Variants in SMG7 observed in about 807,000 individuals in gnomAD.
The protein encoded by SMG7 is nonsense-mediated mRNA decay factor SMG7.
A neutral mutation model predicts 148.2 loss-of-function variants in SMG7; 34 were observed. The ratio of observed to expected loss-of-function variants is 0.23; its 90% CI spans 0.17 to 0.31. SMG7 has a LOEUF of 0.31. Among genes scored for constraint, SMG7 ranks in the 10% least tolerant of loss-of-function variants. The probability of loss-of-function intolerance (pLI) is 1.00; values close to 1 mark genes in which losing one functional copy is unlikely to be tolerated. For missense variants in SMG7, 1,114 were observed against 1,408.4 expected, an observed-to-expected ratio of 0.79 and a Z score of 3.35; for synonymous variants, 492 against 515.1, an observed-to-expected ratio of 0.96 and a Z score of 0.61.
intron 1 of SMG7, among the ~76,000 whole-genome samples, chr1:183,479,713 A>G (rs1216964076): frequency 3.3e-5 from 5 of 152,208 alleles, no homozygotes; most frequent in Admixed American, 3.3e-4. Flanking sequence ...TTGGCAAATT[A>G]AAAGAAAGAC....
chr1:183,506,964 C>T (rs776220882), intron 1 of SMG7, among the ~76,000 whole-genome samples: 10 of 147,540 alleles, frequency 6.8e-5, no homozygotes, highest in South Asian at 2.2e-4. Context: ...CTGCAACCTA[C>T]GCCCCCCAGG....
intron 1 of SMG7, among the ~76,000 whole-genome samples, chr1:183,493,844 T>A (rs186028861): frequency 6.6e-6 from 1 of 152,280 alleles, no homozygotes; most frequent in East Asian, 1.9e-4. Flanking sequence ...CCTCCCAGAG[T>A]GCTAGGATTA....
In SMG7 at chr1:183,551,139, C is replaced by T; in HGVS notation, c.3399C>T (p.Gly1133=). The stretch of plus-strand genomic sequence containing the variant: ...GCACTCCGAGTGGCACCTGGACAGG[C>T]CATGGCCCTTCCATGGAGGATTCCT... The part of the protein sequence containing the change: ...QASTPSGTWT[G]HGPSMEDSSA... Residue 1133 remains glycine (G), a synonymous_variant, in exon 22 of 23, where the codon GGC becomes GGT. Transcript: ENST00000688051. 6.3e-7 allele frequency: 1 copy of T among 1,591,510 alleles called. No homozygotes were observed. The highest frequency in any genetic ancestry group is 1.7e-4 in the Middle Eastern group (1 of 5,968).
At position 183,533,253 on chromosome 1, in the gene SMG7, T is replaced by C. The variant is rs1013618114; in HGVS notation, c.933T>C (p.Phe311=). The part of the protein sequence containing the change: ...NLFQLHHLRD[F]SNETEQHTYS... ...TTCAACTTCATCACCTTCGTGACTT[T>C]AGCAATGAAACCGAGCAGCACACTT... The change falls in exon 9 of 23, where the codon TTT becomes TTC. Residue 311 remains phenylalanine, a synonymous_variant. Transcript: ENST00000688051. 41 of 1,613,910 alleles carry C rather than the reference T, an allele frequency of 2.5e-5. No individual in the cohort carries two copies. Among genetic ancestry groups the C allele is most frequent in the Non-Finnish European group, 3.3e-5 (39 of 1,179,896 alleles).
intron 4 of SMG7, among the ~76,000 whole-genome samples, chr1:183,518,989 G>C (rs1333745030): frequency 6.6e-6 from 1 of 152,146 alleles, no homozygotes; most frequent in Non-Finnish European, 1.5e-5. Flanking sequence ...GCTCAGGCCT[G>C]TAATCACAAC....
chr1:183,506,564 A>G (rs953435816), intron 1 of SMG7, among the ~76,000 whole-genome samples: 1 of 151,936 alleles, frequency 6.6e-6, no homozygotes, highest in African/African-American at 2.4e-5. Flanking sequence ...TATGGTTATG[A>G]TTGAGAAATG....
At chr1:183,510,184 G>A (rs143994005) in intron 1 of SMG7, among the ~76,000 whole-genome samples, 68 of 151,984 alleles carry the variant, frequency 4.5e-4, no homozygotes, top group African/African-American at 1.6e-3. Context: ...TTGTAACTTC[G>A]CAACTCAAGG....
intron 1 of SMG7, among the ~76,000 whole-genome samples, chr1:183,476,048 G>A (rs978411547): frequency 6.6e-6 from 1 of 152,152 alleles, no homozygotes; most frequent in Non-Finnish European, 1.5e-5. Flanking sequence ...CCTAGGTGGT[G>A]GTTGTGGGAA....
At position 183,550,821 on chromosome 1, in the gene SMG7, A is replaced by G; in HGVS notation, c.3204A>G (p.Thr1068=). Residue 1068 remains threonine, a synonymous_variant, in exon 21 of 23, where the codon ACA becomes ACG. Transcript: ENST00000688051. ...NPSSLPSSPP[T]HNHNSVPFSN... ...GCAGCCTACCCAGCTCTCCTCCAAC[A>G]CACAACCATAATTCTGTTCCATTCT... 6.2e-7 allele frequency: 1 copy of G among 1,614,070 alleles called. No homozygotes were observed. The highest frequency in any genetic ancestry group is 8.5e-7 in the Non-Finnish European group (1 of 1,179,974).
chr1:183,494,536 C>A lies in SMG7; in HGVS notation c.30-18301C>A, dbSNP rs574078370. 2.7e-5 allele frequency among the ~76,000 whole-genome samples: 4 copies of A among 150,186 alleles called. No individual in the cohort carries two copies. In the South Asian group the frequency reaches 8.3e-4, roughly 31 times the overall value. On this transcript the variant is annotated intron_variant, in intron 1 of 22. Coordinates refer to ENST00000688051, the MANE Select transcript of SMG7 (RefSeq NM_001375584.1). ...ATTTTCTTCCAGCCCAAAGAGTTTC[C>A]TTTTTAATATTCCTTATGGTATTGA...
intron 13 of SMG7, 102 bp from the exon 14 acceptor site, chr1:183,541,974 G>T: frequency 1.0e-6 from 1 of 960,790 alleles, no homozygotes; most frequent in Non-Finnish European, 1.5e-6. Flanking sequence ...TGTTTTCATG[G>T]TTATTAGTGC....
intron 3 of SMG7, 21 bp from the exon 4 acceptor site, chr1:183,517,667 A>G: frequency 6.2e-7 from 1 of 1,613,744 alleles, no homozygotes; most frequent in Non-Finnish European, 8.5e-7. Context: ...TATACCAAAT[A>G]GAATTACATT....
Position 183,545,871 on chromosome 1 carries a change from G to C in SMG7, c.2371-95G>C, listed in dbSNP as rs1450534299. 2.8e-6 allele frequency: 4 copies of C among 1,442,104 alleles called. No individual in the cohort carries two copies. In the African/African-American group the frequency reaches 4.3e-5, roughly 15 times the overall value. 89.3% of individuals were successfully genotyped at this position (1,442,104 alleles called of 1,614,324 possible). ...GCCTTGCCTAGAGTTTTGTTGGTTGGAAAACACCCCAAGTTCATTCTGTGA... is the reference window on the plus strand; with the variant it reads ...GCCTTGCCTAGAGTTTTGTTGGTTGCAAAACACCCCAAGTTCATTCTGTGA... On this transcript the variant is annotated intron_variant, in intron 16 of 22. Transcript: ENST00000688051.
At chr1:183,521,128 G>A (rs1432142864) in intron 4 of SMG7, among the ~76,000 whole-genome samples, 1 of 149,350 alleles carries the variant, frequency 6.7e-6, no homozygotes, top group African/African-American at 2.5e-5. Flanking sequence ...GCTGGAGGCT[G>A]GAGTGCAGTG....
Position 183,544,496 on chromosome 1 carries a change from A to G in SMG7, c.1986A>G (p.Pro662=). 6.2e-7 allele frequency: 1 copy of G among 1,612,846 alleles called. No homozygotes were observed. Among genetic ancestry groups the G allele is most frequent in the South Asian group, 1.1e-5 (1 of 90,976 alleles). The part of the protein sequence containing the change: ...PGAFPPLPSR[P]GFPPPTYVIP... ...CCTTCCCTCCTCTTCCCAGCAGGCC[A>G]GGTAAATATGTTTTGTAATTTCTTC... is the stretch of plus-strand genomic sequence containing the variant. Residue 662 remains proline (P), a splice_region_variant and synonymous_variant, in exon 15 of 23, where the codon CCA becomes CCG. Coordinates refer to ENST00000688051, the MANE Select transcript of SMG7 (RefSeq NM_001375584.1).
Position 183,502,548 on chromosome 1 carries a change from G to A in SMG7, c.30-10289G>A, listed in dbSNP as rs567285714. On this transcript the variant is annotated intron_variant, in intron 1 of 22. Coordinates refer to ENST00000688051, the MANE Select transcript of SMG7 (RefSeq NM_001375584.1). ...GGCATGCTAAAGTTTTATTATTTAT[G>A]TGACTTCTTGAGAACCTTGGCTTAT... 4.6e-5 allele frequency among the ~76,000 whole-genome samples: 7 copies of A among 152,260 alleles called. No homozygotes were observed. In the East Asian group the frequency reaches 1.3e-3, roughly 29 times the overall value.
intron 1 of SMG7, among the ~76,000 whole-genome samples, chr1:183,497,604 C>T (rs1658800062): frequency 6.6e-6 from 1 of 151,944 alleles, no homozygotes; most frequent in South Asian, 2.1e-4. Flanking sequence ...GAGTCTTGTT[C>T]TGTGGCCCAG....
rs1267651912 is a variant in SMG7, at chr1:183,552,061, A to G, written c.*130A>G. ...TTCTCGCTGTCAAGAGGGTGTAAGTATTCCACCAGCCCGCTGAGTGTGCAC... is the reference window on the plus strand; with the variant it reads ...TTCTCGCTGTCAAGAGGGTGTAAGTGTTCCACCAGCCCGCTGAGTGTGCAC... On this transcript the variant is annotated 3_prime_UTR_variant, in exon 23 of 23. Transcript: ENST00000688051. 1.8e-5 allele frequency: 24 copies of G among 1,358,356 alleles called. No homozygotes were observed. The highest frequency in any genetic ancestry group is 2.2e-5 in the Non-Finnish European group (23 of 1,043,104). 84.1% of individuals were successfully genotyped at this position (1,358,356 alleles called of 1,614,324 possible). A position where few individuals can be genotyped will look rare whatever the true frequency, so the allele number is the denominator to read the frequency against.
rs1314762610 is a variant in SMG7, at chr1:183,541,034, G to A, written c.1346G>A (p.Gly449Asp). 6 of 1,613,546 alleles carry A rather than the reference G, an allele frequency of 3.7e-6. No homozygotes were observed. The highest frequency in any genetic ancestry group is 4.2e-6 in the Non-Finnish European group (5 of 1,179,470). ...CAGGGTATTACAGGGGACAAAGAAG[G>A]CCAGCAACGACGAATACGACAGCAA... ...GHQGITGDKE[G>D]QQRRIRQQRL... Residue 449 changes from glycine to aspartate, a missense_variant, in exon 13 of 23, where the codon GGC (glycine) becomes GAC (aspartate). By Grantham distance (94) the Gly-to-Asp change is moderately conservative (BLOSUM62 -1). Transcript: ENST00000688051.
Sources: gnomAD v4.1 joint callset for allele counts (sites outside exome capture counted in the v4.1 genomes callset) on GRCh38, gnomAD v4.1.1 for gene constraint, MANE v1.5 for transcripts, NCBI Gene and HGNC (gene_info 2026-07-23, HGNC 2026-07-21) for gene names.